VWA2: variants seen among roughly 807,000 people sequenced by gnomAD.
VWA2 encodes the protein von Willebrand factor A domain containing 2.
VWA2 carries 73 observed loss-of-function variants against 70.4 expected under a neutral mutation model. The observed-to-expected ratio is 1.04, with a 90% confidence interval of 0.86 to 1.26. The LOEUF (loss-of-function observed/expected upper bound fraction) is 1.26, where lower values mean the gene tolerates loss of function less well. Ranked by LOEUF, VWA2 falls within the 50% of genes most tolerant of loss-of-function variation. VWA2 has a pLI of 0.00. For missense variants in VWA2, 1,011 were observed against 998.5 expected (o/e 1.01, Z -0.17); for synonymous variants, 407 against 423.3 (o/e 0.96, Z 0.47).
chr10:114,253,504 T>C (rs1027254669), intron 2 of VWA2, 147 bp from the exon 3 acceptor site: 1 of 690,166 alleles, frequency 1.4e-6, no homozygotes, highest in African/African-American at 1.8e-5. Context: ...GTTATCCGTC[T>C]GGTAATTTTT....
chr10:114,289,237 G>C lies in VWA2; in HGVS notation c.1870G>C (p.Val624Leu). 1 of 1,613,906 alleles carries C rather than the reference G, an allele frequency of 6.2e-7. No homozygotes were observed. The highest frequency in any genetic ancestry group is 8.5e-7 in the Non-Finnish European group (1 of 1,179,918). Residue 624 changes from valine to leucine, a missense_variant, in exon 12 of 14, where the codon GTC (valine) becomes CTC (leucine). Physicochemically the swap from Val to Leu is conservative, Grantham distance 32. Coordinates refer to ENST00000392982, the MANE Select transcript of VWA2 (RefSeq NM_001272046.2). ...LLHIYDKVMT[V>L]QRGARPGVPK... The stretch of plus-strand genomic sequence containing the variant: ...GCACATCTATGACAAAGTGATGACC[G>C]TCCAGAGGGGTGCCCGGCCTGGTGT...
rs1033975623 is a variant in VWA2, at chr10:114,289,839, C to G, written c.2122+350C>G. On this transcript the variant is annotated intron_variant, in intron 12 of 13. Coordinates refer to ENST00000392982, the MANE Select transcript of VWA2 (RefSeq NM_001272046.2). ...ACTTGGGCAGTGACAGAGCCCAGAG[C>G]AAACAGGGCCAGGCCAGCCCAAATC... 3 of 369,816 alleles carry G rather than the reference C, an allele frequency of 8.1e-6. No homozygotes were observed. The South Asian group carries it at 8.8e-5, about 11-fold the overall frequency. 22.9% of individuals were successfully genotyped at this position (369,816 alleles called of 1,614,324 possible). A position where few individuals can be genotyped will look rare whatever the true frequency, so the allele number is the denominator to read the frequency against.
At chr10:114,254,573 T>C (rs1424366308) in intron 3 of VWA2, among the ~76,000 whole-genome samples, 1 of 152,214 alleles carries the variant, frequency 6.6e-6, no homozygotes, top group African/African-American at 2.4e-5. Context: ...TCAGGGTGCC[T>C]GTGTCCACAC....
intron 2 of VWA2, among the ~76,000 whole-genome samples, chr10:114,250,832 G>T (rs550456038): frequency 1.3e-3 from 191 of 152,344 alleles, no homozygotes; most frequent in African/African-American, 4.1e-3. Flanking sequence ...CACAGTCCAG[G>T]TTCTGTTCCA....
Position 114,291,290 on chromosome 10 carries a change from C to T in VWA2, c.*53C>T, listed in dbSNP as rs996643300. On this transcript the variant is annotated 3_prime_UTR_variant, in exon 14 of 14. Coordinates refer to ENST00000392982, the MANE Select transcript of VWA2 (RefSeq NM_001272046.2). Reference sequence around the variant, plus strand: ...GCAGCCGTACCCCTCCCAGCAACTACAGAGAAGGCCTGGGCACTGAAATGG... The same window carrying T: ...GCAGCCGTACCCCTCCCAGCAACTATAGAGAAGGCCTGGGCACTGAAATGG... The T allele has an allele frequency of 6.5e-7, 1 of 1,530,834 alleles. No individual in the cohort carries two copies. Among genetic ancestry groups the T allele is most frequent in the African/African-American group, 1.4e-5 (1 of 72,572 alleles). 94.8% of individuals were successfully genotyped at this position (1,530,834 alleles called of 1,614,324 possible).
intron 1 of VWA2, among the ~76,000 whole-genome samples, chr10:114,247,035 A>C (rs1161286354): frequency 6.6e-6 from 1 of 152,130 alleles, no homozygotes; most frequent in Non-Finnish European, 1.5e-5. Context: ...ACAAATCCAG[A>C]GTGTGGCTGT....
rs1589841113 is a variant in VWA2, at chr10:114,289,349, C to G, written c.1982C>G (p.Ser661Cys). 1 of 1,614,248 alleles carries G rather than the reference C, an allele frequency of 6.2e-7. No homozygotes were observed. The highest frequency in any genetic ancestry group is 1.3e-5 in the African/African-American group (1 of 75,062). ...CAGAAGCTGAGGAACAATGGCATCT[C>G]TGTCTTGGTCGTGGGCGTGGGGCCT... ...PAQKLRNNGISVLVVGVGPVL... is the reference protein window; with the variant it reads ...PAQKLRNNGICVLVVGVGPVL... The change falls in exon 12 of 14, where the codon TCT (serine) becomes TGT (cysteine). Residue 661 changes from serine to cysteine, a missense_variant. Coordinates refer to ENST00000392982, the MANE Select transcript of VWA2 (RefSeq NM_001272046.2).
intron 13 of VWA2, 66 bp downstream of exon 13, chr10:114,290,431 C>T (rs1256772536): frequency 6.5e-7 from 1 of 1,534,658 alleles, no homozygotes. Flanking sequence ...CCAAGTCCCA[C>T]AAACTCAGCT....
intron 11 of VWA2, among the ~76,000 whole-genome samples, chr10:114,288,696 A>G (rs1448934952): frequency 1.3e-5 from 2 of 152,226 alleles, no homozygotes; most frequent in Non-Finnish European, 2.9e-5. Flanking sequence ...TAGAACTTAG[A>G]CACGTGGCCA....
chr10:114,277,479 C>G (rs77487930), intron 6 of VWA2, among the ~76,000 whole-genome samples: 3 of 152,042 alleles, frequency 2.0e-5, no homozygotes, highest in Non-Finnish European at 2.9e-5. Context: ...ACCACACCCC[C>G]CCTCCGACTG....
At chr10:114,275,477 G>A (rs993270736) in intron 6 of VWA2, among the ~76,000 whole-genome samples, 3 of 152,342 alleles carry the variant, frequency 2.0e-5, no homozygotes, top group East Asian at 1.9e-4. Context: ...TTGTCCATGA[G>A]GGTAGAACCC....
At chr10:114,240,183 T>G (rs1589731463) in intron 1 of VWA2, among the ~76,000 whole-genome samples, 1 of 151,954 alleles carries the variant, frequency 6.6e-6, no homozygotes, top group African/African-American at 2.4e-5. Flanking sequence ...AGTCCAGGGG[T>G]TTGTCGTTCT....
intron 5 of VWA2, among the ~76,000 whole-genome samples, chr10:114,265,721 T>G (rs1289220541): frequency 6.6e-6 from 1 of 152,198 alleles, no homozygotes; most frequent in Non-Finnish European, 1.5e-5. Context: ...ACACTAAGAT[T>G]GAGGACATTG....
At position 114,289,529 on chromosome 10, in the gene VWA2, G is replaced by A. The variant is rs748384097; in HGVS notation, c.2122+40G>A. 1.0e-5 allele frequency: 16 copies of A among 1,607,616 alleles called. No individual in the cohort carries two copies. In the South Asian group the frequency reaches 1.3e-4, roughly 13 times the overall value. ...CCACACCCTCAGGGCTGCCCCCATG[G>A]CAGGCCCTCAGCCTGAGCCTTCACA... On this transcript the variant is annotated intron_variant, in intron 12 of 13. Coordinates refer to ENST00000392982, the MANE Select transcript of VWA2 (RefSeq NM_001272046.2).
intron 6 of VWA2, among the ~76,000 whole-genome samples, chr10:114,274,327 T>C (rs2037774233): frequency 6.6e-6 from 1 of 152,094 alleles, no homozygotes. Flanking sequence ...TTGGCTGCTG[T>C]GTACGAAATA....
chr10:114,256,451 G>C (rs901108374), intron 4 of VWA2, among the ~76,000 whole-genome samples: 1 of 152,132 alleles, frequency 6.6e-6, no homozygotes, highest in East Asian at 1.9e-4. Context: ...TCTTATATCT[G>C]TATACACTCT....
At chr10:114,264,882 G>C (rs2037529590) in intron 5 of VWA2, among the ~76,000 whole-genome samples, 1 of 151,990 alleles carries the variant, frequency 6.6e-6, no homozygotes, top group South Asian at 2.1e-4. Flanking sequence ...ACCATGCCTG[G>C]CTAATTTTTG....
At chr10:114,249,136 C>T (rs549189139) in intron 2 of VWA2, among the ~76,000 whole-genome samples, 26 of 152,220 alleles carry the variant, frequency 1.7e-4, no homozygotes, top group African/African-American at 6.0e-4. Context: ...GTATTGAGCC[C>T]AGCAGGCATT....
In VWA2 at chr10:114,248,930, C is replaced by T. The variant is rs370561622; in HGVS notation, c.52+165C>T. Among the ~76,000 whole-genome samples, 8 of 152,182 alleles carry T rather than the reference C, an allele frequency of 5.3e-5. No individual in the cohort carries two copies. In the East Asian group the frequency reaches 1.2e-3, roughly 22 times the overall value. The stretch of plus-strand genomic sequence containing the variant: ...AAGCCATGTCATCTTGTGCTTGGAC[C>T]ACTGCAGTAGCCTCCTGCCTGGCCT... On this transcript the variant is annotated intron_variant, in intron 2 of 13. Coordinates refer to ENST00000392982, the MANE Select transcript of VWA2 (RefSeq NM_001272046.2).
Sources: allele counts gnomAD v4.1 joint callset (sites outside exome capture counted in the v4.1 genomes callset), GRCh38; gene constraint gnomAD v4.1.1; transcripts MANE v1.5; gene names NCBI Gene and HGNC (gene_info 2026-07-23, HGNC 2026-07-21).